The following SLC43A2 variants were observed in gnomAD, a reference collection of about 807,000 sequenced individuals.
SLC43A2 encodes the protein solute carrier family 43 member 2, also known as large neutral amino acids transporter small subunit 4.
A neutral mutation model predicts 63.2 loss-of-function variants in SLC43A2; 38 were observed. The observed-to-expected ratio is 0.60, with a 90% CI of 0.46 to 0.79. The LOEUF is 0.79. Among genes scored for constraint, SLC43A2 ranks in the 30% least tolerant of loss-of-function variants. The pLI, the probability that SLC43A2 is intolerant of heterozygous loss-of-function variation, is 0.00. For synonymous variants in SLC43A2, 322 were observed against 331.0 expected (o/e 0.97, Z 0.30); for missense variants, 644 against 756.2 (o/e 0.85, Z 1.74).
intron 2 of SLC43A2, among the ~76,000 whole-genome samples, chr17:1,626,735 G>A (rs1287068016): frequency 6.6e-6 from 1 of 152,174 alleles, no homozygotes; most frequent in Non-Finnish European, 1.5e-5. Flanking sequence ...AGTCAAACCT[G>A]GGCTACCTCC....
intron 5 of SLC43A2, among the ~76,000 whole-genome samples, chr17:1,594,796 G>T (rs1033682147): frequency 2.6e-5 from 4 of 151,598 alleles, no homozygotes; most frequent in South Asian, 2.1e-4. Context: ...CACCACGTTA[G>T]CCAGGATGGT....
chr17:1,590,689 G>A (rs1430143184), intron 9 of SLC43A2, 113 bp downstream of exon 9: 25 of 1,357,332 alleles, frequency 1.8e-5, no homozygotes, highest in Admixed American at 8.6e-5. Flanking sequence ...CCTGGGATGC[G>A]GCCTTTCCAT....
Position 1,616,716 on chromosome 17 carries a change from C to T in SLC43A2, c.214G>A (p.Val72Met), listed in dbSNP as rs1163672781. 1 of 1,614,044 alleles carries T rather than the reference C, an allele frequency of 6.2e-7. No homozygotes were observed. The highest frequency in any genetic ancestry group is 1.3e-5 in the African/African-American group (1 of 74,954). ...CTGAGCCAGCCGTTCATCCAGCTCA[C>T]CTCCTCGTGCCCCGGCTCTGCTGTG... ...GGTAEPGHEEVSWMNGWLSCQ... is the reference protein window; with the variant it reads ...GGTAEPGHEEMSWMNGWLSCQ... Residue 72 changes from valine to methionine, a missense_variant, in exon 3 of 14, where the codon GTG becomes ATG. Physicochemically the swap from Val to Met is conservative, Grantham distance 21. This residue lies in a region of SLC43A2 where 528 missense variants were observed against 623.6 expected (regional missense o/e 0.85). Coordinates refer to ENST00000301335, the MANE Select transcript of SLC43A2 (RefSeq NM_152346.3).
chr17:1,591,840 C>T, intron 6 of SLC43A2, 141 bp from the exon 7 acceptor site: 1 of 679,506 alleles, frequency 1.5e-6, no homozygotes, highest in Non-Finnish European at 2.5e-6. Context: ...GCCCTGCCAG[C>T]CTGGGCGTTG....
chr17:1,581,811 T>G (rs990867108), intron 11 of SLC43A2, among the ~76,000 whole-genome samples: 41 of 151,888 alleles, frequency 2.7e-4, no homozygotes, highest in African/African-American at 7.0e-4. Context: ...ATTCAGTTTT[T>G]TTTTTTTTTT....
intron 3 of SLC43A2, 51 bp downstream of exon 3, chr17:1,616,510 GC>G: frequency 6.5e-7 from 1 of 1,535,772 alleles, no homozygotes; most frequent in Non-Finnish European, 8.8e-7. Flanking sequence ...GGGGAACTCA[GC>G]CCAGGGGGTC....
At chr17:1,623,126 A>G (rs151205271) in intron 2 of SLC43A2, among the ~76,000 whole-genome samples, 20 of 152,286 alleles carry the variant, frequency 1.3e-4, no homozygotes, top group South Asian at 2.1e-4. Flanking sequence ...ATCCCCCAAG[A>G]AAAGAGGTCC....
intron 9 of SLC43A2, among the ~76,000 whole-genome samples, chr17:1,587,311 G>GT (rs2151039680): frequency 6.6e-6 from 1 of 152,356 alleles, no homozygotes; most frequent in South Asian, 2.1e-4. Context: ...GGAAGACCTG[G>GT]TGCAATCAGG....
chr17:1,618,311 ACAT>A (rs1310825095), intron 2 of SLC43A2, among the ~76,000 whole-genome samples: 3 of 152,348 alleles, frequency 2.0e-5, no homozygotes, highest in East Asian at 3.9e-4. Flanking sequence ...CATAACATGG[ACAT>A]CATATAATGA....
intron 9 of SLC43A2, 61 bp downstream of exon 9, chr17:1,590,741 G>A: frequency 6.5e-7 from 1 of 1,542,160 alleles, no homozygotes; most frequent in Non-Finnish European, 8.7e-7. Flanking sequence ...TCTGGCCGGT[G>A]GCCAGTGGGC....
rs574200314 is a variant in SLC43A2, at chr17:1,581,961, C to T, written c.1350+1243G>A. Among the ~76,000 whole-genome samples the T allele has an allele frequency of 5.3e-5, 8 of 151,892 alleles. No homozygotes were observed. The East Asian group carries it at 1.6e-3, about 29-fold the overall frequency. On this transcript the variant is annotated intron_variant, in intron 11 of 13. Coordinates refer to ENST00000301335, the MANE Select transcript of SLC43A2 (RefSeq NM_152346.3). ...AGCTGGGATTACAGGCATGTGCCAC[C>T]ACGCCCAGCTAATTTTTGTAATTTT...
At chr17:1,609,497 C>T (rs1395310101) in intron 5 of SLC43A2, among the ~76,000 whole-genome samples, 6 of 152,140 alleles carry the variant, frequency 3.9e-5, no homozygotes, top group Admixed American at 2.6e-4. Flanking sequence ...CCACTGCGCC[C>T]GGCCAGATAA....
intron 2 of SLC43A2, among the ~76,000 whole-genome samples, chr17:1,618,506 T>G (rs991293864): frequency 6.6e-6 from 1 of 152,230 alleles, no homozygotes; most frequent in African/African-American, 2.4e-5. Flanking sequence ...CACCATCAGC[T>G]GGCACAGAGC....
chr17:1,626,744 C>T lies in SLC43A2; in HGVS notation c.160+971G>A, dbSNP rs543483586. 1.1e-4 allele frequency among the ~76,000 whole-genome samples: 16 copies of T among 152,304 alleles called. No individual in the cohort carries two copies. In the South Asian group the frequency reaches 2.9e-3, roughly 28 times the overall value. ...TCAGGAAGTCAAACCTGGGCTACCTCCATCTAAGGGCACTCTAGCACTGGC... is the reference window on the plus strand; with the variant it reads ...TCAGGAAGTCAAACCTGGGCTACCTTCATCTAAGGGCACTCTAGCACTGGC... On this transcript the variant is annotated intron_variant, in intron 2 of 13. Coordinates refer to ENST00000301335, the MANE Select transcript of SLC43A2 (RefSeq NM_152346.3).
At chr17:1,581,897 C>T (rs1328596782) in intron 11 of SLC43A2, among the ~76,000 whole-genome samples, 2 of 151,518 alleles carry the variant, frequency 1.3e-5, no homozygotes, top group East Asian at 3.9e-4. Context: ...CCTCTGCCAC[C>T]CGGATTCAAG....
intron 2 of SLC43A2, among the ~76,000 whole-genome samples, chr17:1,622,665 G>A (rs891690013): frequency 2.6e-5 from 4 of 152,200 alleles, no homozygotes; most frequent in African/African-American, 9.7e-5. Context: ...TGTAATCCCA[G>A]CACTTTGGGA....
At chr17:1,612,394 A>G (rs1002771831) in intron 5 of SLC43A2, among the ~76,000 whole-genome samples, 8 of 152,200 alleles carry the variant, frequency 5.3e-5, no homozygotes, top group African/African-American at 1.9e-4. Flanking sequence ...CATCTCCCCC[A>G]GGCGACTGTC....
At chr17:1,586,904 G>A in intron 9 of SLC43A2, 2 of 1,529,140 alleles carry the variant, frequency 1.3e-6, no homozygotes, top group Non-Finnish European at 1.7e-6. Context: ...GGCTGGGAGG[G>A]GACATCACAG....
chr17:1,592,934 C>A lies in SLC43A2; in HGVS notation c.594+253G>T, dbSNP rs74326219. ...CAACTGGAAACAGACTCACCCACCG[C>A]CCTTCCCCTGCCCCAGCCCCGAAAT... is the stretch of plus-strand genomic sequence containing the variant. On this transcript the variant is annotated intron_variant, in intron 6 of 13. Transcript: ENST00000301335. Among the ~76,000 whole-genome samples the A allele has an allele frequency of 1.2e-3, 187 of 152,316 alleles. 1 individual carries two copies. The highest frequency in any genetic ancestry group is 4.2e-3 in the African/African-American group (174 of 41,572).
Sources: allele counts gnomAD v4.1 joint callset (sites outside exome capture counted in the v4.1 genomes callset), GRCh38; gene constraint gnomAD v4.1.1; regional missense constraint gnomAD v4.1.1; transcripts MANE v1.5; gene names NCBI Gene and HGNC (gene_info 2026-07-23, HGNC 2026-07-21).